The following C8orf34 variants were observed in gnomAD, a reference collection of about 807,000 sequenced individuals.
C8orf34 encodes the protein uncharacterized protein C8orf34.
C8orf34 carries 65 observed loss-of-function variants against 68.3 expected under a neutral mutation model. The observed-to-expected ratio is 0.95, with a 90% CI of 0.78 to 1.17. The LOEUF is 1.17. Among genes scored for constraint, C8orf34 ranks in the 50% most tolerant of loss-of-function variants. The probability of loss-of-function intolerance (pLI) is 0.00; values close to 1 mark genes in which losing one functional copy is unlikely to be tolerated. For missense variants in C8orf34, 664 were observed against 655.4 expected, an observed-to-expected ratio of 1.01 and a Z score of -0.14; for synonymous variants, 244 against 241.2, an observed-to-expected ratio of 1.01 and a Z score of -0.11.
chr8:68,334,397 A>G (rs866567059), intron 1 of C8orf34, among the ~76,000 whole-genome samples: 12 of 151,620 alleles, frequency 7.9e-5, no homozygotes, highest in Non-Finnish European at 1.5e-4. Context: ...TGTAAGATGT[A>G]ATGGTTTACA....
intron 1 of C8orf34, among the ~76,000 whole-genome samples, chr8:68,435,877 G>C (rs748080845): frequency 6.6e-6 from 1 of 152,134 alleles, no homozygotes; most frequent in Non-Finnish European, 1.5e-5. Flanking sequence ...CTAATAGATG[G>C]AATATGAATG....
chr8:68,604,960 G>C (rs1817811848), intron 7 of C8orf34, among the ~76,000 whole-genome samples: 1 of 152,082 alleles, frequency 6.6e-6, no homozygotes, highest in Non-Finnish European at 1.5e-5. Flanking sequence ...AGGCATATCT[G>C]ATTAAAGACT....
At chr8:68,616,147 T>C (rs57681412) in intron 7 of C8orf34, among the ~76,000 whole-genome samples, 42,624 of 148,748 alleles carry the variant, frequency 0.29, 7,870 homozygotes, top group African/African-American at 0.54. Context: ...TCCCCTTTAT[T>C]GTTTTTTATT....
intron 6 of C8orf34, among the ~76,000 whole-genome samples, chr8:68,522,901 A>G (rs561368203): frequency 6.6e-6 from 1 of 152,252 alleles, no homozygotes; most frequent in African/African-American, 2.4e-5. Flanking sequence ...GTAACTTGGC[A>G]TTTTCTATGT....
chr8:68,403,904 T>C (rs993673222), intron 1 of C8orf34, among the ~76,000 whole-genome samples: 3 of 152,302 alleles, frequency 2.0e-5, no homozygotes, highest in South Asian at 4.2e-4. Flanking sequence ...TACCCAGTAA[T>C]GGGATTACTG....
At chr8:68,391,653 C>A (rs368918463) in intron 1 of C8orf34, among the ~76,000 whole-genome samples, 4 of 152,288 alleles carry the variant, frequency 2.6e-5, no homozygotes, top group African/African-American at 4.8e-5. Context: ...TGACAGACAG[C>A]AAACAACCCA....
intron 1 of C8orf34, among the ~76,000 whole-genome samples, chr8:68,335,470 T>A (rs1194199307): frequency 6.6e-6 from 1 of 152,182 alleles, no homozygotes; most frequent in Admixed American, 6.5e-5. Context: ...AAAATTTGCA[T>A]TAATCTTTAT....
intron 5 of C8orf34, among the ~76,000 whole-genome samples, chr8:68,518,346 T>C (rs1814605968): frequency 1.3e-5 from 2 of 152,174 alleles, no homozygotes; most frequent in Non-Finnish European, 2.9e-5. Flanking sequence ...TTTATATATA[T>C]ATAAATTTGT....
Position 68,518,148 on chromosome 8 carries a change from C to T in C8orf34, c.766-3651C>T, listed in dbSNP as rs1234626761. On this transcript the variant is annotated intron_variant, in intron 5 of 13. Coordinates refer to ENST00000518698, the MANE Select transcript of C8orf34 (RefSeq NM_052958.4). ...CCAAACCTCAGCATCACCCAATATA[C>T]CCATGAAACAACCCTACATGTGCAC... 3.3e-5 allele frequency among the ~76,000 whole-genome samples: 5 copies of T among 152,210 alleles called. No homozygotes were observed. In the East Asian group the frequency reaches 9.7e-4, roughly 29 times the overall value.
intron 10 of C8orf34, among the ~76,000 whole-genome samples, chr8:68,762,182 C>T (rs891856245): frequency 6.6e-6 from 1 of 152,066 alleles, no homozygotes; most frequent in Admixed American, 6.6e-5. Context: ...TTGATTAGCT[C>T]GATTTGTGTC....
intron 1 of C8orf34, among the ~76,000 whole-genome samples, chr8:68,342,453 A>C (rs1806111206): frequency 6.6e-6 from 1 of 152,234 alleles, no homozygotes; most frequent in African/African-American, 2.4e-5. Context: ...CAAATGGATA[A>C]GATCTATTTA....
intron 12 of C8orf34, among the ~76,000 whole-genome samples, chr8:68,804,026 T>A (rs549432243): frequency 1.4e-4 from 21 of 152,100 alleles, no homozygotes; most frequent in East Asian, 1.9e-4. Context: ...TGACAATTTT[T>A]AAAAAAAAAT....
At chr8:68,593,560 A>G (rs946208090) in intron 7 of C8orf34, among the ~76,000 whole-genome samples, 3 of 151,222 alleles carry the variant, frequency 2.0e-5, no homozygotes, top group Non-Finnish European at 4.5e-5. Context: ...TTTTTCTACT[A>G]ATTTTTTAAA....
chr8:68,640,119 G>C (rs1331959904), intron 7 of C8orf34, among the ~76,000 whole-genome samples: 3 of 152,108 alleles, frequency 2.0e-5, no homozygotes, highest in Non-Finnish European at 4.4e-5. Context: ...GTGGTCTGTG[G>C]TCATAAGTGC....
intron 1 of C8orf34, among the ~76,000 whole-genome samples, chr8:68,331,956 A>G (rs1438836116): frequency 6.6e-6 from 1 of 150,764 alleles, no homozygotes; most frequent in Non-Finnish European, 1.5e-5. Context: ...AGAGACTGCC[A>G]TTTGGTCACT....
chr8:68,636,933 G>A (rs1818864378), intron 7 of C8orf34, among the ~76,000 whole-genome samples: 1 of 152,122 alleles, frequency 6.6e-6, no homozygotes, highest in Non-Finnish European at 1.5e-5. Flanking sequence ...GACTGACTTT[G>A]TTCTTCAGAA....
chr8:68,384,310 C>T (rs1310204490), intron 1 of C8orf34, among the ~76,000 whole-genome samples: 1 of 152,120 alleles, frequency 6.6e-6, no homozygotes, highest in African/African-American at 2.4e-5. Flanking sequence ...ATGGCTTTTG[C>T]CAGTTTAGTG....
chr8:68,774,163 AG>A (rs1366812083), intron 10 of C8orf34, among the ~76,000 whole-genome samples: 2 of 151,956 alleles, frequency 1.3e-5, no homozygotes, highest in African/African-American at 4.8e-5. Flanking sequence ...ACCCAGGCAA[AG>A]GAGAAAGGAT....
intron 7 of C8orf34, among the ~76,000 whole-genome samples, chr8:68,634,436 T>C (rs1400945584): frequency 2.6e-5 from 4 of 152,226 alleles, no homozygotes; most frequent in Non-Finnish European, 2.9e-5. Context: ...CCTCGACTTA[T>C]GCAGTATTGA....
Sources: allele counts gnomAD v4.1 joint callset (sites outside exome capture counted in the v4.1 genomes callset), GRCh38; gene constraint gnomAD v4.1.1; transcripts MANE v1.5; gene names NCBI Gene and HGNC (gene_info 2026-07-23, HGNC 2026-07-21).